Variants in MSI2 observed in about 807,000 individuals in gnomAD.
MSI2 encodes RNA-binding protein Musashi homolog 2.
A neutral mutation model predicts 45.6 loss-of-function variants in MSI2; 17 were observed. The observed-to-expected ratio is 0.37, with a 90% confidence interval of 0.26 to 0.56. The LOEUF (loss-of-function observed/expected upper bound fraction) is 0.56, where lower values mean the gene tolerates loss of function less well. MSI2 is among the 20% of genes least tolerant of loss of function. The probability of loss-of-function intolerance (pLI) is 0.77; values close to 1 mark genes in which losing one functional copy is unlikely to be tolerated. For missense variants in MSI2, 293 were observed against 444.2 expected (o/e 0.66, Z 3.06); for synonymous variants, 156 against 158.2 (o/e 0.99, Z 0.11).
intron 5 of MSI2, among the ~76,000 whole-genome samples, chr17:57,341,000 C>T (rs1915095945): frequency 6.6e-6 from 1 of 152,196 alleles, no homozygotes; most frequent in Non-Finnish European, 1.5e-5. Flanking sequence ...CCATTCTGTC[C>T]TGGGGTGTGC....
intron 5 of MSI2, among the ~76,000 whole-genome samples, chr17:57,379,347 T>C (rs2083557730): frequency 6.6e-6 from 1 of 150,718 alleles, no homozygotes; most frequent in South Asian, 2.1e-4. Context: ...GGGGGAGATG[T>C]GGTCTCTCAC....
chr17:57,361,936 T>C (rs184322408), intron 5 of MSI2, among the ~76,000 whole-genome samples: 37 of 152,368 alleles, frequency 2.4e-4, no homozygotes, highest in African/African-American at 7.7e-4. Context: ...AAAAATGGAA[T>C]TCCATTTTCT....
chr17:57,422,085 G>A (rs2084406556), intron 6 of MSI2, among the ~76,000 whole-genome samples: 1 of 152,180 alleles, frequency 6.6e-6, no homozygotes, highest in Admixed American at 6.5e-5. Flanking sequence ...TTTAGTGATA[G>A]TAAATACCAG....
intron 5 of MSI2, among the ~76,000 whole-genome samples, chr17:57,373,323 A>G (rs1239365261): frequency 6.6e-6 from 1 of 152,158 alleles, no homozygotes; most frequent in Non-Finnish European, 1.5e-5. Flanking sequence ...AGGCCCAACA[A>G]ACATTAGTAA....
At chr17:57,674,082 TC>T (rs530381248) in intron 11 of MSI2, among the ~76,000 whole-genome samples, 7 of 150,918 alleles carry the variant, frequency 4.6e-5, no homozygotes, top group Admixed American at 6.6e-5. Flanking sequence ...GGTTTACCAT[TC>T]CCCCCCATCC....
chr17:57,302,899 C>A (rs987211225), intron 5 of MSI2, among the ~76,000 whole-genome samples: 2 of 152,128 alleles, frequency 1.3e-5, no homozygotes, highest in Non-Finnish European at 2.9e-5. Context: ...AGTTGGGGGA[C>A]AGCCCCAGGC....
intron 5 of MSI2, among the ~76,000 whole-genome samples, chr17:57,398,097 T>C (rs1171402348): frequency 1.3e-5 from 2 of 152,230 alleles, no homozygotes; most frequent in Non-Finnish European, 2.9e-5. Flanking sequence ...GGTTTATGGC[T>C]ATAAGGCAAC....
chr17:57,471,337 C>T (rs550610708), intron 6 of MSI2, among the ~76,000 whole-genome samples: 52 of 129,886 alleles, frequency 4.0e-4, no homozygotes, highest in African/African-American at 1.5e-3. Flanking sequence ...GTCGCCCAGG[C>T]TGGAGTGCAG....
Position 57,596,257 on chromosome 17 carries a change from G to A in MSI2, c.455-611G>A, listed in dbSNP as rs1905237883. 6.6e-6 allele frequency among the ~76,000 whole-genome samples: 1 copy of A among 152,242 alleles called. No homozygotes were observed. The highest frequency in any genetic ancestry group is 1.5e-5 in the Non-Finnish European group (1 of 68,036). ...AGCAGAGTACATACAGTGGATAGCT[G>A]ACGGGCTGACAGCAGGCATCAAACA... On this transcript the variant is annotated intron_variant, in intron 7 of 13. Transcript: ENST00000284073. This position sits in a 1 kb window ranked among gnomAD's most constrained non-coding sequence, Gnocchi z 4.6.
At chr17:57,506,050 C>T (rs916491563) in intron 6 of MSI2, among the ~76,000 whole-genome samples, 1 of 152,170 alleles carries the variant, frequency 6.6e-6, no homozygotes, top group South Asian at 2.1e-4. Flanking sequence ...ATGTAATACT[C>T]ATCTTATCTC....
intron 5 of MSI2, among the ~76,000 whole-genome samples, chr17:57,346,721 C>T (rs1470216420): frequency 6.6e-6 from 1 of 151,938 alleles, no homozygotes; most frequent in Non-Finnish European, 1.5e-5. Context: ...ATCCTCCCAC[C>T]TCAGCCTCTT....
chr17:57,313,958 A>G (rs557919115), intron 5 of MSI2, among the ~76,000 whole-genome samples: 100 of 152,296 alleles, frequency 6.6e-4, no homozygotes, highest in African/African-American at 2.3e-3. Context: ...GGGCCAGTGT[A>G]ACAAAGTACC....
At chr17:57,549,526 C>T (rs1340640722) in intron 7 of MSI2, among the ~76,000 whole-genome samples, 1 of 152,080 alleles carries the variant, frequency 6.6e-6, no homozygotes, top group Admixed American at 6.5e-5. Flanking sequence ...GCTATAATAC[C>T]GTTTAGCTTT....
intron 5 of MSI2, among the ~76,000 whole-genome samples, chr17:57,328,076 C>T (rs2143709930): frequency 6.6e-6 from 1 of 152,272 alleles, no homozygotes; most frequent in East Asian, 1.9e-4. Context: ...CTTTAACTAT[C>T]TGTTTATCTC....
chr17:57,579,855 T>G (rs2088155187), intron 7 of MSI2, among the ~76,000 whole-genome samples: 1 of 152,174 alleles, frequency 6.6e-6, no homozygotes, highest in African/African-American at 2.4e-5. Context: ...ATGAGAAAGC[T>G]GAGACACAGC....
In MSI2 at chr17:57,341,772, A is replaced by G. The variant is rs141118085; in HGVS notation, c.313-59607A>G. On this transcript the variant is annotated intron_variant, in intron 5 of 13. Transcript: ENST00000284073. The stretch of plus-strand genomic sequence containing the variant: ...GCTTGTGGGCACCGCCACAGATAAT[A>G]CAAAAAAGCCATTTGAAAAGAGCTT... Among the ~76,000 whole-genome samples, 376 of 152,346 alleles carry G rather than the reference A, an allele frequency of 2.5e-3. 1 individual carries two copies. The highest frequency in any genetic ancestry group is 4.1e-3 in the Non-Finnish European group (282 of 68,042).
At chr17:57,315,652 A>G (rs1363949485) in intron 5 of MSI2, among the ~76,000 whole-genome samples, 1 of 152,202 alleles carries the variant, frequency 6.6e-6, no homozygotes, top group Non-Finnish European at 1.5e-5. Flanking sequence ...GCAAACAAAC[A>G]TCAGTGAAAA....
At chr17:57,539,243 C>T (rs966927490) in intron 7 of MSI2, among the ~76,000 whole-genome samples, 7 of 147,882 alleles carry the variant, frequency 4.7e-5, no homozygotes, top group Non-Finnish European at 8.9e-5. Context: ...AGTGCAGTGG[C>T]GCAATCTTGG....
chr17:57,434,027 G>C (rs1249965473), intron 6 of MSI2, among the ~76,000 whole-genome samples: 1 of 152,206 alleles, frequency 6.6e-6, no homozygotes, highest in Non-Finnish European at 1.5e-5. Flanking sequence ...ACATTGTGGA[G>C]TGATTAAGGC....
Sources: allele counts gnomAD v4.1 joint callset (sites outside exome capture counted in the v4.1 genomes callset), GRCh38; gene constraint gnomAD v4.1.1; non-coding constraint Gnocchi (gnomAD v3.1); transcripts MANE v1.5; gene names NCBI Gene and HGNC (gene_info 2026-07-23, HGNC 2026-07-21).